Variants in NRG1 observed in about 807,000 individuals in gnomAD.
The protein encoded by NRG1 is neuregulin 1, also known as pro-neuregulin-1, membrane-bound isoform.
A neutral mutation model predicts 63.8 loss-of-function variants in NRG1; 18 were observed. That is an observed-to-expected ratio of 0.28 (90% CI 0.19 to 0.42). The LOEUF (loss-of-function observed/expected upper bound fraction) is 0.42, where lower values mean the gene tolerates loss of function less well. NRG1 is among the 10% of genes least tolerant of loss of function. The pLI, the probability that NRG1 is intolerant of heterozygous loss-of-function variation, is 1.00. For missense variants in NRG1, 762 were observed against 814.7 expected (o/e 0.94, Z 0.79); for synonymous variants, 302 against 301.3 (o/e 1.00, Z -0.02).
chr8:32,091,722 A>G (rs1021262748), intron 1 of NRG1, among the ~76,000 whole-genome samples: 3 of 152,176 alleles, frequency 2.0e-5, no homozygotes, highest in Non-Finnish European at 4.4e-5. Flanking sequence ...CGAAGAGCCA[A>G]AGGGGAGAAG....
At chr8:32,262,071 GA>G (rs1850438981) in intron 1 of NRG1, among the ~76,000 whole-genome samples, 1 of 152,062 alleles carries the variant, frequency 6.6e-6, no homozygotes, top group Non-Finnish European at 1.5e-5. Context: ...TATAATAAAT[GA>G]AAAGTATTAC....
Position 31,727,152 on chromosome 8 carries a change from T to C in NRG1, c.37+87721T>C, listed in dbSNP as rs112963405. ...GAGACATAAACATGAAGAGATAAGT[T>C]CCCTACATTTAAGGAGCTTACCATC... On this transcript the variant is annotated intron_variant, in intron 1 of 10. Transcript: ENST00000519301. Among the ~76,000 whole-genome samples the C allele has an allele frequency of 5.9e-5, 9 of 152,252 alleles. 1 individual carries two copies. Among genetic ancestry groups the C allele is most frequent in the African/African-American group, 2.2e-4 (9 of 41,558 alleles).
chr8:32,119,085 A>G (rs1833107937), intron 1 of NRG1, among the ~76,000 whole-genome samples: 1 of 152,100 alleles, frequency 6.6e-6, no homozygotes, highest in African/African-American at 2.4e-5. Context: ...GCTTACAAGG[A>G]AGTCCAAGAA....
chr8:31,734,195 G>A (rs562710556), intron 1 of NRG1, among the ~76,000 whole-genome samples: 34 of 152,210 alleles, frequency 2.2e-4, no homozygotes, highest in Non-Finnish European at 4.3e-4. Flanking sequence ...GCATGGTGGC[G>A]CGTACCTATA....
At chr8:32,755,832 T>A (rs943598927) in intron 8 of NRG1, among the ~76,000 whole-genome samples, 1 of 151,846 alleles carries the variant, frequency 6.6e-6, no homozygotes, top group Non-Finnish European at 1.5e-5. Flanking sequence ...AACCTCCCCC[T>A]CCCTGGTTCA....
At chr8:32,242,305 C>A (rs1563222380) in intron 1 of NRG1, among the ~76,000 whole-genome samples, 1 of 152,020 alleles carries the variant, frequency 6.6e-6, no homozygotes, top group Non-Finnish European at 1.5e-5. Context: ...GAAACCCTGT[C>A]TCTACTAAAA....
chr8:32,555,551 A>G (rs1834967144), intron 1 of NRG1, among the ~76,000 whole-genome samples: 1 of 152,148 alleles, frequency 6.6e-6, no homozygotes, highest in African/African-American at 2.4e-5. Context: ...GACTCACTGC[A>G]AGCTCCGCCT....
intron 1 of NRG1, among the ~76,000 whole-genome samples, chr8:32,272,224 A>G (rs1851622477): frequency 6.6e-6 from 1 of 152,108 alleles, no homozygotes; most frequent in African/African-American, 2.4e-5. Context: ...TCTGGTGAGA[A>G]CTTTCTTCTT....
chr8:32,504,918 G>C (rs1356416813), intron 1 of NRG1, among the ~76,000 whole-genome samples: 1 of 152,044 alleles, frequency 6.6e-6, no homozygotes, highest in African/African-American at 2.4e-5. Flanking sequence ...CTTTTGGGCT[G>C]GAAATCAAAG....
chr8:32,191,981 C>A (rs1028595024), intron 1 of NRG1: 4 of 152,272 alleles, frequency 2.6e-5, no homozygotes, highest in African/African-American at 9.7e-5. Flanking sequence ...AGACATGGAC[C>A]CACTTCAGGT....
At chr8:32,435,722 A>G (rs935447594) in intron 1 of NRG1, among the ~76,000 whole-genome samples, 24 of 152,206 alleles carry the variant, frequency 1.6e-4, no homozygotes, top group Non-Finnish European at 1.0e-4. Context: ...AATATAAAAT[A>G]AAATCAAGTT....
Position 31,683,465 on chromosome 8 carries a change from C to G in NRG1, c.37+44034C>G, listed in dbSNP as rs533058938. Among the ~76,000 whole-genome samples the G allele has an allele frequency of 6.6e-5, 10 of 152,142 alleles. No homozygotes were observed. The East Asian group carries it at 1.9e-3, about 29-fold the overall frequency. On this transcript the variant is annotated intron_variant, in intron 1 of 10. Coordinates refer to the NRG1 transcript ENST00000519301. Reference sequence around the variant, plus strand: ...AAGCCAATCTGCAAAGGTTACCTACCGTATGATTGCGATTATGTGATATTC... The same window carrying G: ...AAGCCAATCTGCAAAGGTTACCTACGGTATGATTGCGATTATGTGATATTC...
At chr8:32,256,974 A>G (rs776352202) in intron 1 of NRG1, among the ~76,000 whole-genome samples, 1 of 152,164 alleles carries the variant, frequency 6.6e-6, no homozygotes, top group East Asian at 1.9e-4. Flanking sequence ...TCTTTCAGAG[A>G]TGCCCTGCCC....
chr8:32,535,641 T>C (rs1388230601), intron 1 of NRG1, among the ~76,000 whole-genome samples: 1 of 152,222 alleles, frequency 6.6e-6, no homozygotes, highest in Non-Finnish European at 1.5e-5. Context: ...GACAGGATGA[T>C]CTACAAATAG....
intron 1 of NRG1, among the ~76,000 whole-genome samples, chr8:31,932,396 C>T (rs1325983458): frequency 1.3e-5 from 2 of 152,148 alleles, no homozygotes; most frequent in African/African-American, 2.4e-5. Flanking sequence ...AGAGAAGCAA[C>T]GCTTTCAGAT....
At chr8:31,842,837 T>A (rs1826318567) in intron 1 of NRG1, among the ~76,000 whole-genome samples, 2 of 152,204 alleles carry the variant, frequency 1.3e-5, no homozygotes. Context: ...TGTGTCTGGT[T>A]CCTCTTTCTG....
chr8:32,747,121 A>G (rs1827592493), intron 7 of NRG1, among the ~76,000 whole-genome samples: 1 of 152,122 alleles, frequency 6.6e-6, no homozygotes, highest in Non-Finnish European at 1.5e-5. Context: ...AGACTTACCT[A>G]TAAAACTGTA....
chr8:32,393,744 G>A (rs1235261874), intron 1 of NRG1, among the ~76,000 whole-genome samples: 1 of 152,074 alleles, frequency 6.6e-6, no homozygotes, highest in Non-Finnish European at 1.5e-5. Context: ...GGTGGAGGGT[G>A]GGAGGAGGGA....
intron 4 of NRG1, 22 bp downstream of exon 4, chr8:32,614,586 A>G: frequency 6.2e-7 from 1 of 1,609,098 alleles, no homozygotes; most frequent in Non-Finnish European, 8.5e-7. Context: ...AAGCCTGGCA[A>G]ATTTTACTAA....
Sources: gnomAD v4.1 joint callset for allele counts (sites outside exome capture counted in the v4.1 genomes callset) on GRCh38, gnomAD v4.1.1 for gene constraint, MANE v1.5 for transcripts, NCBI Gene and HGNC (gene_info 2026-07-23, HGNC 2026-07-21) for gene names.